Variants in CNTNAP2 observed in about 807,000 individuals in gnomAD.
CNTNAP2 encodes the protein contactin-associated protein-like 2.
A neutral mutation model predicts 155.2 loss-of-function variants in CNTNAP2; 98 were observed. The observed-to-expected ratio is 0.63, with a 90% CI of 0.54 to 0.75. The LOEUF (loss-of-function observed/expected upper bound fraction) is 0.75, where lower values mean the gene tolerates loss of function less well. CNTNAP2 is among the 30% of genes least tolerant of loss of function. CNTNAP2 has a pLI of 0.00. For synonymous variants in CNTNAP2, 651 were observed against 631.2 expected (o/e 1.03, Z -0.47); for missense variants, 1,727 against 1,688.1 (o/e 1.02, Z -0.40).
At chr7:148,199,021 A>G (rs151022074) in intron 18 of CNTNAP2, among the ~76,000 whole-genome samples, 324 of 152,266 alleles carry the variant, frequency 2.1e-3, no homozygotes, top group African/African-American at 7.2e-3. Flanking sequence ...GAAGAGGTGC[A>G]GATTAGGGAG....
chr7:147,454,685 C>T (rs1797890309), intron 10 of CNTNAP2, among the ~76,000 whole-genome samples: 4 of 151,804 alleles, frequency 2.6e-5, no homozygotes, highest in Admixed American at 2.0e-4. Context: ...TAAAAGAAGG[C>T]GTCTCCCAGA....
At chr7:147,591,313 T>C (rs1800730103) in intron 12 of CNTNAP2, among the ~76,000 whole-genome samples, 1 of 152,180 alleles carries the variant, frequency 6.6e-6, no homozygotes, top group South Asian at 2.1e-4. Flanking sequence ...CTGTGGCCTT[T>C]CTCCTTGGCA....
rs1471479182 is a variant in CNTNAP2 at position 146,890,200 on chromosome 7, TC to T, written c.402+50297del. On this transcript the variant is annotated intron_variant, in intron 3 of 23. Coordinates refer to ENST00000361727, the MANE Select transcript of CNTNAP2 (RefSeq NM_014141.6). ...TTAAAGATATGCCCTGATTTTGTCT[TC>T]TACCACGACACACTCATAGGCTATC... 9.8e-5 allele frequency among the ~76,000 whole-genome samples: 15 copies of T among 152,340 alleles called. No homozygotes were observed. The South Asian group carries it at 3.1e-3, about 32-fold the overall frequency.
chr7:147,510,635 A>G (rs1798998427), intron 11 of CNTNAP2, among the ~76,000 whole-genome samples: 1 of 151,774 alleles, frequency 6.6e-6, no homozygotes. Flanking sequence ...GATTAAAAAA[A>G]TCTCCAAAAG....
rs755601249 is a variant in CNTNAP2 at position 147,249,604 on chromosome 7, T to TAAAAAAAAAAAAAAAAAAAAAAA, written c.1349-50516_1349-50515insAAAAAAAAAAAAAAAAAAAAAAA. ...CTATAATAAAGGAAGACATTGGAGG[T>TAAAAAAAAAAAAAAAAAAAAAAA]AAAAAAAAAAAAAAAAAAAAAGGTT... On this transcript the variant is annotated intron_variant, in intron 8 of 23. Coordinates refer to ENST00000361727, the MANE Select transcript of CNTNAP2 (RefSeq NM_014141.6). 6.0e-4 allele frequency among the ~76,000 whole-genome samples: 42 copies of TAAAAAAAAAAAAAAAAAAAAAAA among 70,006 alleles called. 2 individuals are homozygous for TAAAAAAAAAAAAAAAAAAAAAAA. The highest frequency in any genetic ancestry group is 2.4e-3 in the South Asian group (3 of 1,234). 45.9% of individuals were successfully genotyped at this position (70,006 alleles called of 152,430 possible).
At chr7:147,468,486 G>A (rs981079112) in intron 10 of CNTNAP2, among the ~76,000 whole-genome samples, 4 of 152,100 alleles carry the variant, frequency 2.6e-5, no homozygotes, top group South Asian at 2.1e-4. Flanking sequence ...AATTTTGCAG[G>A]TAACGGGACT....
At chr7:148,371,837 T>C (rs987149775) in intron 21 of CNTNAP2, among the ~76,000 whole-genome samples, 2 of 152,164 alleles carry the variant, frequency 1.3e-5, no homozygotes, top group Non-Finnish European at 2.9e-5. Flanking sequence ...CACTCAATAC[T>C]GTAGGCAACG....
At chr7:147,135,039 G>T (rs1801450733) in intron 8 of CNTNAP2, among the ~76,000 whole-genome samples, 1 of 151,766 alleles carries the variant, frequency 6.6e-6, no homozygotes, top group Non-Finnish European at 1.5e-5. Flanking sequence ...AAATTCCATG[G>T]TCCAGGATGA....
chr7:147,900,625 T>C (rs1380221585), intron 13 of CNTNAP2, among the ~76,000 whole-genome samples: 1 of 152,104 alleles, frequency 6.6e-6, no homozygotes. Flanking sequence ...TTTTGTTTTG[T>C]TTTGTTTTTG....
intron 1 of CNTNAP2, among the ~76,000 whole-genome samples, chr7:146,131,454 GC>G (rs1797712127): frequency 6.6e-6 from 1 of 152,106 alleles, no homozygotes; most frequent in Non-Finnish European, 1.5e-5. Flanking sequence ...TTTATAAGCT[GC>G]CAACAAGTCC....
chr7:148,225,213 T>G (rs1274426667), intron 19 of CNTNAP2, among the ~76,000 whole-genome samples: 1 of 152,168 alleles, frequency 6.6e-6, no homozygotes, highest in Non-Finnish European at 1.5e-5. Flanking sequence ...ATCTATAGTA[T>G]GTTGTGTGCT....
At chr7:147,176,829 TATATA>T (rs1169744150) in intron 8 of CNTNAP2, among the ~76,000 whole-genome samples, 2 of 125,766 alleles carry the variant, frequency 1.6e-5, no homozygotes, top group Non-Finnish European at 3.2e-5. Context: ...ATAATTATAA[TATATA>T]ATTATATATT....
intron 1 of CNTNAP2, among the ~76,000 whole-genome samples, chr7:146,498,956 TA>T (rs1433415887): frequency 1.3e-5 from 2 of 152,326 alleles, no homozygotes; most frequent in African/African-American, 4.8e-5. Context: ...GTCACATTTT[TA>T]AAAGTACACA....
intron 8 of CNTNAP2, among the ~76,000 whole-genome samples, chr7:147,205,375 T>C (rs1306784680): frequency 3.9e-5 from 6 of 152,130 alleles, no homozygotes; most frequent in Admixed American, 2.0e-4. Flanking sequence ...ACTTTAAGAT[T>C]ATTTTTTCTA....
chr7:146,311,770 C>A (rs1800829009), intron 1 of CNTNAP2: 2 of 151,372 alleles, frequency 1.3e-5, no homozygotes, highest in African/African-American at 4.8e-5. Flanking sequence ...CAACCAGTTA[C>A]AGAGATTTAT....
intron 20 of CNTNAP2, chr7:148,263,233 G>A (rs141013993): frequency 6.6e-6 from 1 of 152,172 alleles, no homozygotes; most frequent in Non-Finnish European, 1.5e-5. Flanking sequence ...TCCTAACTGA[G>A]CAGGTAATTT....
chr7:147,085,638 G>C (rs1261225947), intron 4 of CNTNAP2: 7 of 152,190 alleles, frequency 4.6e-5, no homozygotes, highest in Non-Finnish European at 4.4e-5. Flanking sequence ...CTGGTTTTAA[G>C]AGCTAAAAAC....
chr7:146,493,398 C>T (rs933684662), intron 1 of CNTNAP2, among the ~76,000 whole-genome samples: 3 of 152,046 alleles, frequency 2.0e-5, no homozygotes, highest in African/African-American at 7.2e-5. Flanking sequence ...ATGTTTGTGT[C>T]TTGAATCACT....
intron 21 of CNTNAP2, among the ~76,000 whole-genome samples, chr7:148,323,518 G>A (rs1323932112): frequency 6.6e-6 from 1 of 151,414 alleles, no homozygotes; most frequent in African/African-American, 2.4e-5. Context: ...GTTAATGTTA[G>A]AGAAATTGAA....
Sources: gnomAD v4.1 joint callset for allele counts (sites outside exome capture counted in the v4.1 genomes callset) on GRCh38, gnomAD v4.1.1 for gene constraint, MANE v1.5 for transcripts, NCBI Gene and HGNC (gene_info 2026-07-23, HGNC 2026-07-21) for gene names.